Variants in CSNK1A1 observed in about 807,000 individuals in gnomAD.
CSNK1A1 encodes the protein casein kinase 1 alpha 1, also known as casein kinase I isoform alpha.
CSNK1A1 carries 7 observed loss-of-function variants against 46.1 expected under a neutral mutation model. The ratio of observed to expected loss-of-function variants is 0.15; its 90% confidence interval spans 0.09 to 0.29. The LOEUF (loss-of-function observed/expected upper bound fraction) is 0.29, where lower values mean the gene tolerates loss of function less well. CSNK1A1 is among the 10% of genes least tolerant of loss of function. CSNK1A1 has a pLI of 1.00. For missense variants in CSNK1A1, 96 were observed against 417.1 expected, an observed-to-expected ratio of 0.23 and a Z score of 6.71; for synonymous variants, 137 against 141.5, an observed-to-expected ratio of 0.97 and a Z score of 0.23.
intron 3 of CSNK1A1, among the ~76,000 whole-genome samples, chr5:149,520,858 T>C (rs989154499): frequency 5.9e-5 from 9 of 152,222 alleles, no homozygotes; most frequent in South Asian, 2.1e-4. Flanking sequence ...GTGGAGGATG[T>C]TGACAGATTG....
Position 149,550,695 on chromosome 5 carries a change from G to A in CSNK1A1, c.123+147C>T. The stretch of plus-strand genomic sequence containing the variant: ...CCCTTTTAGGGAGACAGCGGACGAG[G>A]TTCGTAAGCCAGGAAAACTAGCTCC... On this transcript the variant is annotated intron_variant, in intron 1 of 9. Transcript: ENST00000377843. This position sits in a 1 kb window ranked among gnomAD's most constrained non-coding sequence, Gnocchi z 4.3. 1.7e-6 allele frequency: 2 copies of A among 1,156,552 alleles called. No individual in the cohort carries two copies. Among genetic ancestry groups the A allele is most frequent in the Non-Finnish European group, 1.2e-6 (1 of 830,146 alleles). The allele number at this position is 1,156,552 out of a possible 1,614,324, so 71.6% of individuals were successfully genotyped here. A position where few individuals can be genotyped will look rare whatever the true frequency, so the allele number is the denominator to read the frequency against.
chr5:149,550,247 G>C lies in CSNK1A1; in HGVS notation c.124-66C>G. 6.4e-7 allele frequency: 1 copy of C among 1,570,296 alleles called. No individual in the cohort carries two copies. Among genetic ancestry groups the C allele is most frequent in the Non-Finnish European group, 8.6e-7 (1 of 1,158,504 alleles). On this transcript the variant is annotated intron_variant, in intron 1 of 9. Coordinates refer to ENST00000377843, the MANE Select transcript of CSNK1A1 (RefSeq NM_001892.6). The surrounding 1 kb of genome is among the most constrained non-coding windows in gnomAD (Gnocchi z 4.3). ...GGATTCAATGTCACTTAGGAAAGGA[G>C]GGAGACATTAGCAAAACTCCAAGTC... is the stretch of plus-strand genomic sequence containing the variant.
At chr5:149,545,087 GCAAGA>G (rs1762430339) in intron 2 of CSNK1A1, among the ~76,000 whole-genome samples, 10 of 147,442 alleles carry the variant, frequency 6.8e-5, no homozygotes, top group Admixed American at 3.5e-4. Context: ...GGGTGACAGA[GCAAGA>G]CTCCATCTCA....
At chr5:149,524,914 T>G in intron 3 of CSNK1A1, 131 bp downstream of exon 3, 1 of 759,668 alleles carries the variant, frequency 1.3e-6, no homozygotes. Context: ...CAAGTCACAT[T>G]ATTATTTTTT....
chr5:149,535,852 G>T (rs936507620), intron 2 of CSNK1A1, among the ~76,000 whole-genome samples: 1 of 151,996 alleles, frequency 6.6e-6, no homozygotes, highest in South Asian at 2.1e-4. Flanking sequence ...TGCCATGTTG[G>T]GGGGACTGGT....
intron 4 of CSNK1A1, among the ~76,000 whole-genome samples, chr5:149,518,715 C>T (rs779364295): frequency 6.6e-6 from 1 of 151,846 alleles, no homozygotes; most frequent in Non-Finnish European, 1.5e-5. Context: ...AGACCTAAAC[C>T]TCCTAAAAAG....
chr5:149,534,482 C>CAAAAAAAAAAAA (rs10597922), intron 2 of CSNK1A1, among the ~76,000 whole-genome samples: 5 of 94,980 alleles, frequency 5.3e-5, no homozygotes, highest in African/African-American at 2.1e-4. Flanking sequence ...GACTCTGTCT[C>CAAAAAAAAAAAA]AAAAAAAAAA....
In CSNK1A1 at chr5:149,517,958, C is replaced by G. The variant is rs1479436518; in HGVS notation, c.456+2332G>C. ...AATGGCCGGCGCAGACAGGCAACAC[C>G]GAGGCATTAGAGAAAGAACAGGGTA... On this transcript the variant is annotated intron_variant, in intron 4 of 9. Coordinates refer to ENST00000377843, the MANE Select transcript of CSNK1A1 (RefSeq NM_001892.6). This position sits in a 1 kb window ranked among gnomAD's most constrained non-coding sequence, Gnocchi z 4.4. 1 of 850,016 alleles carries G rather than the reference C, an allele frequency of 1.2e-6. No individual in the cohort carries two copies. Among genetic ancestry groups the G allele is most frequent in the African/African-American group, 1.7e-5 (1 of 59,552 alleles). 52.7% of individuals were successfully genotyped at this position (850,016 alleles called of 1,614,324 possible). A position where few individuals can be genotyped will look rare whatever the true frequency, so the allele number is the denominator to read the frequency against.
At chr5:149,508,062 G>C (rs1338063863) in intron 7 of CSNK1A1, among the ~76,000 whole-genome samples, 1 of 152,178 alleles carries the variant, frequency 6.6e-6, no homozygotes, top group African/African-American at 2.4e-5. Context: ...TCCTCTCCTA[G>C]AGTAAATGCC....
chr5:149,505,971 G>T (rs919619947), intron 8 of CSNK1A1, among the ~76,000 whole-genome samples: 1 of 151,956 alleles, frequency 6.6e-6, no homozygotes, highest in African/African-American at 2.4e-5. Flanking sequence ...TTGTTGCCCA[G>T]GCTGGAGTGC....
intron 2 of CSNK1A1, among the ~76,000 whole-genome samples, chr5:149,529,994 G>A (rs547047259): frequency 6.6e-6 from 1 of 151,954 alleles, no homozygotes; most frequent in Admixed American, 6.6e-5. Flanking sequence ...ATTACTATGA[G>A]ACCCAGAATA....
chr5:149,509,038 C>T (rs975973103), intron 7 of CSNK1A1, among the ~76,000 whole-genome samples: 1 of 152,028 alleles, frequency 6.6e-6, no homozygotes, highest in Admixed American at 6.5e-5. Flanking sequence ...AGCATCCTGC[C>T]CCAGCATCCC....
intron 2 of CSNK1A1, among the ~76,000 whole-genome samples, chr5:149,530,965 CAAAA>C (rs59281087): frequency 4.9e-5 from 4 of 81,732 alleles, no homozygotes; most frequent in Non-Finnish European, 6.3e-5. Flanking sequence ...GACTCTGTCT[CAAAA>C]AAAAAAAAAG....
chr5:149,543,667 G>A (rs951111888), intron 2 of CSNK1A1, among the ~76,000 whole-genome samples: 2 of 152,136 alleles, frequency 1.3e-5, no homozygotes, highest in African/African-American at 2.4e-5. Flanking sequence ...ATTAACTAGT[G>A]CTTTATAAAT....
intron 2 of CSNK1A1, chr5:149,545,642 C>T: frequency 1.1e-6 from 1 of 896,512 alleles, no homozygotes; most frequent in Non-Finnish European, 1.8e-6. Context: ...CTAGCCTCAG[C>T]AAGTGCACTC....
chr5:149,502,117 C>G (rs1760876989), intron 9 of CSNK1A1: 1 of 977,518 alleles, frequency 1.0e-6, no homozygotes, highest in Non-Finnish European at 1.2e-6. Context: ...CTTAAAGAAT[C>G]TTTAAACATT....
At chr5:149,519,649 T>A (rs1339767374) in intron 4 of CSNK1A1, among the ~76,000 whole-genome samples, 1 of 152,214 alleles carries the variant, frequency 6.6e-6, no homozygotes, top group Non-Finnish European at 1.5e-5. Flanking sequence ...AGTTTTGTTG[T>A]ATGAATGTTC....
chr5:149,531,693 CAAAA>C (rs60488526), intron 2 of CSNK1A1, among the ~76,000 whole-genome samples: 1 of 136,662 alleles, frequency 7.3e-6, no homozygotes, highest in African/African-American at 2.6e-5. Context: ...ACTAAAAATA[CAAAA>C]AAAAAAAAAA....
chr5:149,522,099 G>C (rs936712601), intron 3 of CSNK1A1, among the ~76,000 whole-genome samples: 1 of 151,898 alleles, frequency 6.6e-6, no homozygotes, highest in Non-Finnish European at 1.5e-5. Flanking sequence ...GTATACAATA[G>C]AAGTTCTGTG....
Sources: allele counts gnomAD v4.1 joint callset (sites outside exome capture counted in the v4.1 genomes callset), GRCh38; gene constraint gnomAD v4.1.1; non-coding constraint Gnocchi (gnomAD v3.1); transcripts MANE v1.5; gene names NCBI Gene and HGNC (gene_info 2026-07-23, HGNC 2026-07-21).